YTHDF2: variants seen among roughly 807,000 people sequenced by gnomAD.
The protein encoded by YTHDF2 is YTH domain-containing family protein 2.
Under a neutral mutation model 50.4 loss-of-function variants are expected in YTHDF2, and 2 were observed. The observed-to-expected ratio is 0.04, with a 90% CI of 0.02 to 0.12. The LOEUF (loss-of-function observed/expected upper bound fraction) is 0.12. YTHDF2 is among the 10% of genes least tolerant of loss of function. The probability of loss-of-function intolerance (pLI) is 1.00; values close to 1 mark genes in which losing one functional copy is unlikely to be tolerated. For synonymous variants in YTHDF2, 217 were observed against 255.6 expected, an observed-to-expected ratio of 0.85 and a Z score of 1.44; for missense variants, 483 against 722.6, an observed-to-expected ratio of 0.67 and a Z score of 3.80.
At chr1:28,764,822 G>A (rs1032981065) in intron 4 of YTHDF2, among the ~76,000 whole-genome samples, 7 of 152,014 alleles carry the variant, frequency 4.6e-5, no homozygotes, top group African/African-American at 7.2e-5. Context: ...AGGATTACTC[G>A]GGTGATCCAC....
chr1:28,739,147 A>G (rs1277825688), intron 3 of YTHDF2: 1 of 152,148 alleles, frequency 6.6e-6, no homozygotes, highest in African/African-American at 2.4e-5. Flanking sequence ...GCTATCTACG[A>G]TCATACCTGT....
At chr1:28,754,473 T>G (rs2124190797) in intron 4 of YTHDF2, among the ~76,000 whole-genome samples, 1 of 151,828 alleles carries the variant, frequency 6.6e-6, no homozygotes, top group Non-Finnish European at 1.5e-5. Context: ...GAGTTTGCAG[T>G]GAGCTGAGAT....
intron 4 of YTHDF2, among the ~76,000 whole-genome samples, chr1:28,762,006 C>T (rs544224662): frequency 6.6e-6 from 1 of 152,216 alleles, no homozygotes; most frequent in Admixed American, 6.5e-5. Flanking sequence ...ACTTATTTAA[C>T]TTATTCACGG....
chr1:28,737,422 A>T, intron 1 of YTHDF2: 2 of 631,538 alleles, frequency 3.2e-6, no homozygotes, highest in Non-Finnish European at 5.2e-6. Flanking sequence ...CCCCTTCCTT[A>T]AAGCCCTGGG....
chr1:28,763,312 T>A (rs1463222165), intron 4 of YTHDF2, among the ~76,000 whole-genome samples: 2 of 152,146 alleles, frequency 1.3e-5, no homozygotes, highest in African/African-American at 4.8e-5. Context: ...TTTGCTCTTT[T>A]GCCCAGGCTG....
chr1:28,751,249 C>G (rs2087947772), intron 4 of YTHDF2, among the ~76,000 whole-genome samples: 1 of 151,994 alleles, frequency 6.6e-6, no homozygotes, highest in African/African-American at 2.4e-5. Context: ...CAGAGCGAGA[C>G]TGTCTCAAAA....
At chr1:28,744,427 T>A (rs148658553) in intron 4 of YTHDF2, among the ~76,000 whole-genome samples, 2 of 152,316 alleles carry the variant, frequency 1.3e-5, no homozygotes, top group Non-Finnish European at 2.9e-5. Flanking sequence ...AGTCAATATG[T>A]CATCACCAAC....
At position 28,743,900 on chromosome 1, in the gene YTHDF2, A is replaced by G. The variant is rs772693255; in HGVS notation, c.1630A>G (p.Ile544Val). 2.5e-6 allele frequency: 4 copies of G among 1,608,918 alleles called. No homozygotes were observed. The highest frequency in any genetic ancestry group is 3.4e-6 in the Non-Finnish European group (4 of 1,178,134). Residue 544 changes from isoleucine (I) to valine (V), a missense_variant, in exon 4 of 5, where the codon ATA becomes GTA. Transcript: ENST00000373812. The surrounding 1 kb of genome is among the most constrained non-coding windows in gnomAD (Gnocchi z 6.9). ...AAAGGCTAAGCAGGTGTTGAAAATT[A>G]TAGCCAGCTACAAGCACACCACTTC... is the stretch of plus-strand genomic sequence containing the variant. Reference protein sequence around the residue: ...LEKAKQVLKIIASYKHTTSIF... With the variant: ...LEKAKQVLKIVASYKHTTSIF...
At chr1:28,747,068 G>T (rs772682458) in intron 4 of YTHDF2, among the ~76,000 whole-genome samples, 7 of 151,572 alleles carry the variant, frequency 4.6e-5, no homozygotes, top group Non-Finnish European at 7.4e-5. Context: ...GGCAACAAGA[G>T]TGAAACTCTG....
chr1:28,742,404 A>G lies in YTHDF2; in HGVS notation c.134A>G (p.Asn45Ser). 2 of 1,546,286 alleles carry G rather than the reference A, an allele frequency of 1.3e-6. No individual in the cohort carries two copies. Among genetic ancestry groups the G allele is most frequent in the Non-Finnish European group, 8.7e-7 (1 of 1,149,652 alleles). ...EPYLSPQARP[N>S]NAYTAMSDSY... ...TTTGCCTTTTTTTTTCTTCCACAGAATAATGCATATACTGCCATGTCAGAT... is the reference window on the plus strand; with the variant it reads ...TTTGCCTTTTTTTTTCTTCCACAGAGTAATGCATATACTGCCATGTCAGAT... Residue 45 changes from asparagine to serine, a missense_variant and splice_region_variant, in exon 4 of 5, where the codon AAT (asparagine) becomes AGT (serine). By Grantham distance (46) the Asn-to-Ser change is conservative. Transcript: ENST00000373812.
At chr1:28,759,878 C>G (rs2088088380) in intron 4 of YTHDF2, among the ~76,000 whole-genome samples, 2 of 152,176 alleles carry the variant, frequency 1.3e-5, no homozygotes, top group Non-Finnish European at 2.9e-5. Context: ...ATTGCTTGAA[C>G]CCGGGAGGCG....
In YTHDF2 at chr1:28,736,958, A is replaced by C. The variant is rs1006374407; in HGVS notation, c.-163A>C. On this transcript the variant is annotated 5_prime_UTR_variant, in exon 1 of 5. Transcript: ENST00000373812. ...TTGGGCTAGAGCGTCGCCGAGTCGGAGCCGGAGCCTGAGCCGCGCGCTGTG... is the reference window on the plus strand; with the variant it reads ...TTGGGCTAGAGCGTCGCCGAGTCGGCGCCGGAGCCTGAGCCGCGCGCTGTG... 2.4e-6 allele frequency: 2 copies of C among 816,654 alleles called. No individual in the cohort carries two copies. Among genetic ancestry groups the C allele is most frequent in the South Asian group, 1.7e-5 (1 of 58,568 alleles). The allele number at this position is 816,654 out of a possible 1,614,324, so 50.6% of individuals were successfully genotyped here.
chr1:28,763,052 A>C (rs540214223), intron 4 of YTHDF2, among the ~76,000 whole-genome samples: 2 of 152,020 alleles, frequency 1.3e-5, no homozygotes, highest in Non-Finnish European at 2.9e-5. Context: ...GTCTTGAGCT[A>C]CTGACCTCAA....
intron 3 of YTHDF2, among the ~76,000 whole-genome samples, chr1:28,742,088 C>T (rs1344111109): frequency 2.8e-5 from 4 of 141,708 alleles, no homozygotes; most frequent in Non-Finnish European, 6.0e-5. Context: ...ACTCTTGTTG[C>T]CCACAGGCTG....
chr1:28,739,758 C>G (rs2087749156), intron 3 of YTHDF2, among the ~76,000 whole-genome samples: 1 of 152,148 alleles, frequency 6.6e-6, no homozygotes, highest in African/African-American at 2.4e-5. Context: ...GTGGCATAGT[C>G]TTTTAAAGTT....
At chr1:28,767,985 A>AGTCGAGCAGATCACG (rs2088244015) in intron 4 of YTHDF2, among the ~76,000 whole-genome samples, 1 of 150,268 alleles carries the variant, frequency 6.7e-6, no homozygotes. Flanking sequence ...AGCAGATCAC[A>AGTCGAGCAGATCACG]AGGTCAGGAG....
chr1:28,745,736 C>CCCCCCA (rs1491144713), intron 4 of YTHDF2, among the ~76,000 whole-genome samples: 3 of 108,340 alleles, frequency 2.8e-5, no homozygotes, highest in Admixed American at 9.6e-5. Flanking sequence ...CCCCCCCCCC[C>CCCCCCA]AAAAAAAAAC....
intron 4 of YTHDF2, among the ~76,000 whole-genome samples, chr1:28,751,284 A>T (rs989180315): frequency 6.6e-6 from 1 of 152,060 alleles, no homozygotes; most frequent in Non-Finnish European, 1.5e-5. Context: ...TGTGATATAA[A>T]AGAGGAAAAC....
intron 4 of YTHDF2, among the ~76,000 whole-genome samples, chr1:28,763,948 ATTTAT>A (rs1367459279): frequency 3.7e-5 from 4 of 108,582 alleles, no homozygotes; most frequent in South Asian, 2.6e-4. Flanking sequence ...TTTTAAATTT[ATTTAT>A]TTTATTTTTT....
Sources: allele counts gnomAD v4.1 joint callset (sites outside exome capture counted in the v4.1 genomes callset), GRCh38; gene constraint gnomAD v4.1.1; non-coding constraint Gnocchi (gnomAD v3.1); transcripts MANE v1.5; gene names NCBI Gene and HGNC (gene_info 2026-07-23, HGNC 2026-07-21).